Variants in DSC3 observed in about 807,000 individuals in gnomAD.
DSC3 encodes desmocollin 3, also known as desmocollin-3.
Under a neutral mutation model 89.5 loss-of-function variants are expected in DSC3, and 97 were observed. That is an observed-to-expected ratio of 1.08 (90% CI 0.92 to 1.28). The LOEUF is 1.28. Among genes scored for constraint, DSC3 ranks in the 50% most tolerant of loss-of-function variants. The probability of loss-of-function intolerance (pLI) is 0.00; values close to 1 mark genes in which losing one functional copy is unlikely to be tolerated. For synonymous variants in DSC3, 436 were observed against 384.1 expected (o/e 1.14, Z -1.58); for missense variants, 1,199 against 1,085.3 (o/e 1.10, Z -1.47).
At chr18:31,033,325 GA>G (rs934421231) in intron 1 of DSC3, among the ~76,000 whole-genome samples, 1 of 151,260 alleles carries the variant, frequency 6.6e-6, no homozygotes, top group African/African-American at 2.4e-5. Flanking sequence ...AATTGAAAAT[GA>G]AAAAAAACTG....
chr18:30,994,176 T>C lies in DSC3; in HGVS notation c.2690A>G (p.Ter897=), dbSNP rs1280631074. The change falls in exon 16 of 16, where the codon TAA becomes TGA. Residue 897 remains the stop codon, a stop_retained_variant. Coordinates refer to ENST00000360428, the MANE Select transcript of DSC3 (RefSeq NM_001941.5). ...ITLAEACTKR[*] is the part of the protein sequence containing the mutation. The stretch of plus-strand genomic sequence containing the variant: ...AGACCTAATTGTAGCACTGTGACAT[T>C]ATCTCTTTGTGCATGCTTCTGCTAA... 5 of 1,613,706 alleles carry C rather than the reference T, an allele frequency of 3.1e-6. No individual in the cohort carries two copies. The highest frequency in any genetic ancestry group is 3.4e-6 in the Non-Finnish European group (4 of 1,179,760).
chr18:30,991,767 T>G lies in DSC3; in HGVS notation c.*2408A>C, dbSNP rs1178335019. ...TTGTGCCCTGAGTTCTTTCTCCCCC[T>G]GGCTTCTCGACTGTCTTTTGGTTGA... On this transcript the variant is annotated 3_prime_UTR_variant, in exon 16 of 16. Coordinates refer to ENST00000360428, the MANE Select transcript of DSC3 (RefSeq NM_001941.5). 3.3e-5 allele frequency: 5 copies of G among 152,236 alleles called. No individual in the cohort carries two copies. The allele number at this position is 152,236 out of a possible 1,614,324, so 9.4% of individuals were successfully genotyped here. A position where few individuals can be genotyped will look rare whatever the true frequency, so the allele number is the denominator to read the frequency against.
chr18:31,004,513 C>A, intron 12 of DSC3, 147 bp from the exon 13 acceptor site: 1 of 698,968 alleles, frequency 1.4e-6, no homozygotes, highest in East Asian at 2.7e-5. Context: ...TGTCTTCAAC[C>A]CTTTCAAACT....
At chr18:30,998,155 G>T in intron 14 of DSC3, among the ~76,000 whole-genome samples, 1 of 152,150 alleles carries the variant, frequency 6.6e-6, no homozygotes, top group East Asian at 1.9e-4. Context: ...AGTTCATGGA[G>T]ATCAGATGGG....
At chr18:30,998,446 CAT>C (rs1456521685) in intron 14 of DSC3, among the ~76,000 whole-genome samples, 1 of 152,120 alleles carries the variant, frequency 6.6e-6, no homozygotes. Context: ...ACATTAGAAA[CAT>C]GTGGGATGTC....
intron 13 of DSC3, 135 bp from the exon 14 acceptor site, chr18:31,001,874 G>A (rs1216523337): frequency 4.3e-6 from 3 of 698,328 alleles, no homozygotes; most frequent in African/African-American, 3.6e-5. Context: ...AATTATCTTG[G>A]CTGTTCTAAG....
Position 31,018,229 on chromosome 18 carries a change from A to G in DSC3, c.1105T>C (p.Phe369Leu). ...GGTATTCGTAAGATTTCCACATTGA[A>G]TGCATTTTCCTCTACAAATGCTTCA... The part of the protein sequence containing the change: ...AYEAFVEENA[F>L]NVEILRIPIE... Residue 369 changes from phenylalanine to leucine, a missense_variant, in exon 9 of 16, where the codon TTC (phenylalanine) becomes CTC (leucine). Physicochemically the swap from Phe to Leu is conservative, Grantham distance 22 (BLOSUM62 0). Transcript: ENST00000360428. 6.2e-7 allele frequency: 1 copy of G among 1,611,728 alleles called. No individual in the cohort carries two copies. Among genetic ancestry groups the G allele is most frequent in the Non-Finnish European group, 8.5e-7 (1 of 1,179,066 alleles).
rs535326292 is a variant in DSC3 at position 31,039,279 on chromosome 18, G to T, written c.69+3313C>A. ...ATGGAAAAATTTAATGCCAAAGAGAGAACGAAAATTAAAGGTGTTATCTGC... is the reference window on the plus strand; with the variant it reads ...ATGGAAAAATTTAATGCCAAAGAGATAACGAAAATTAAAGGTGTTATCTGC... On this transcript the variant is annotated intron_variant, in intron 1 of 15. Transcript: ENST00000360428. 2.0e-5 allele frequency among the ~76,000 whole-genome samples: 3 copies of T among 152,172 alleles called. No individual in the cohort carries two copies. In the South Asian group the frequency reaches 6.2e-4, roughly 32 times the overall value.
chr18:31,039,936 C>T (rs1986081579), intron 1 of DSC3, among the ~76,000 whole-genome samples: 2 of 152,142 alleles, frequency 1.3e-5, no homozygotes, highest in Non-Finnish European at 2.9e-5. Context: ...TTGCCTTAAT[C>T]TTCTTGTCAC....
At chr18:30,995,998 A>C (rs1457350437) in intron 15 of DSC3, among the ~76,000 whole-genome samples, 1 of 143,474 alleles carries the variant, frequency 7.0e-6, no homozygotes, top group East Asian at 2.0e-4. Flanking sequence ...AAAAAAAAAA[A>C]AGAAAAGAAA....
rs758690653 is a variant in DSC3 at position 31,031,107 on chromosome 18, G to A, written c.220C>T (p.Leu74=). 1 of 1,613,604 alleles carries A rather than the reference G, an allele frequency of 6.2e-7. No homozygotes were observed. Among genetic ancestry groups the A allele is most frequent in the East Asian group, 2.2e-5 (1 of 44,852 alleles). ...GCTGTGTACACTGACCCATCATTTA[G>A]AACTCTGAAATCAGGATCACTTGAC... ...IRSSDPDFRV[L]NDGSVYTARA... Residue 74 remains leucine (L), a synonymous_variant, in exon 3 of 16, where the codon CTA becomes TTA. Coordinates refer to ENST00000360428, the MANE Select transcript of DSC3 (RefSeq NM_001941.5).
chr18:31,010,325 T>A (rs1598536278), intron 9 of DSC3, among the ~76,000 whole-genome samples: 2 of 152,218 alleles, frequency 1.3e-5, no homozygotes, highest in East Asian at 3.8e-4. Context: ...CATGTGCTGG[T>A]GTGATCACAC....
intron 8 of DSC3, 115 bp downstream of exon 8, chr18:31,018,550 TA>T: frequency 8.4e-7 from 1 of 1,184,782 alleles, no homozygotes. Flanking sequence ...ATTTTATTCA[TA>T]AAATACGTAT....
rs747332898 is a variant in DSC3 at position 31,001,705 on chromosome 18, AC to A, written c.2147del (p.Gly716ValfsTer12). ...CAGGAAAACGTTTCCCTTTAGTTGCACCAAAAACTCCACATACTAAAGTTAG... is the reference window on the plus strand; with the variant it reads ...CAGGAAAACGTTTCCCTTTAGTTGCACAAAAACTCCACATACTAAAGTTAG... ...VLLTLVCGVF[G>X]ATKGKRFPED... On this transcript the variant is annotated frameshift_variant, in exon 14 of 16. Coordinates refer to ENST00000360428, the MANE Select transcript of DSC3 (RefSeq NM_001941.5). LOFTEE classifies it high-confidence loss of function. 3 of 1,609,060 alleles carry A rather than the reference AC, an allele frequency of 1.9e-6. No individual in the cohort carries two copies. The African/African-American group carries it at 4.0e-5, about 22-fold the overall frequency.
chr18:31,015,692 C>CT (rs2144704799), intron 9 of DSC3, among the ~76,000 whole-genome samples: 1 of 152,274 alleles, frequency 6.6e-6, no homozygotes, highest in East Asian at 1.9e-4. Flanking sequence ...AAGCTGCCTT[C>CT]TGACCAAGGA....
chr18:31,041,667 C>T (rs1218718300), intron 1 of DSC3, among the ~76,000 whole-genome samples: 1 of 152,230 alleles, frequency 6.6e-6, no homozygotes, highest in Non-Finnish European at 1.5e-5. Flanking sequence ...AAGCCTGAAG[C>T]TTCGCGTGTA....
At position 31,004,315 on chromosome 18, in the gene DSC3, G is replaced by A. The variant is rs200263083; in HGVS notation, c.1940C>T (p.Thr647Ile). The A allele has an allele frequency of 1.9e-6, 3 of 1,613,920 alleles. No individual in the cohort carries two copies. The highest frequency in any genetic ancestry group is 2.2e-5 in the East Asian group (1 of 44,870). Reference sequence around the variant, plus strand: ...CCTGTCTTTTACAGTAATAGGAATGGTATATTCTTGAAATCCAGCATTTTT... The same window carrying A: ...CCTGTCTTTTACAGTAATAGGAATGATATATTCTTGAAATCCAGCATTTTT... ...YQKNAGFQEYTIPITVKDRAG... is the reference protein window; with the variant it reads ...YQKNAGFQEYIIPITVKDRAG... Residue 647 changes from threonine (T) to isoleucine (I), a missense_variant, in exon 13 of 16, where the codon ACC becomes ATC. By Grantham distance (89) the Thr-to-Ile change is moderately conservative. Coordinates refer to ENST00000360428, the MANE Select transcript of DSC3 (RefSeq NM_001941.5).
rs776415589 is a variant in DSC3 at position 31,018,557 on chromosome 18, C to T, written c.1077+109G>A. On this transcript the variant is annotated intron_variant, in intron 8 of 15. Transcript: ENST00000360428. ...AAACTTTAATTTTATTCATAAAATA[C>T]GTATACGTCAAAGTATGATACTTCA... 4.0e-5 allele frequency: 48 copies of T among 1,203,036 alleles called. No individual in the cohort carries two copies. The Middle Eastern group carries it at 8.3e-4, about 21-fold the overall frequency. The allele number at this position is 1,203,036 out of a possible 1,614,324, so 74.5% of individuals were successfully genotyped here. A position where few individuals can be genotyped will look rare whatever the true frequency, so the allele number is the denominator to read the frequency against.
Position 30,992,690 on chromosome 18 carries a change from C to G in DSC3, c.*1485G>C, listed in dbSNP as rs1420593263. On this transcript the variant is annotated 3_prime_UTR_variant, in exon 16 of 16. Coordinates refer to ENST00000360428, the MANE Select transcript of DSC3 (RefSeq NM_001941.5). ...GCTTTCTCCCAAAGTTCCCTCTGTT[C>G]TAAAATGACAACTTGATCTTTTTCT... is the stretch of plus-strand genomic sequence containing the variant. The G allele has an allele frequency of 1.3e-5, 2 of 152,264 alleles. No homozygotes were observed. The highest frequency in any genetic ancestry group is 2.9e-5 in the Non-Finnish European group (2 of 68,044). 9.4% of individuals were successfully genotyped at this position (152,264 alleles called of 1,614,324 possible).
Sources: allele counts gnomAD v4.1 joint callset (sites outside exome capture counted in the v4.1 genomes callset), GRCh38; gene constraint gnomAD v4.1.1; transcripts MANE v1.5; gene names NCBI Gene and HGNC (gene_info 2026-07-23, HGNC 2026-07-21).